HHAT: variants seen among roughly 807,000 people sequenced by gnomAD.
HHAT encodes the protein hedgehog acyltransferase.
In HHAT, 47 loss-of-function variants were observed where a neutral mutation model predicts 70.8. The observed-to-expected ratio is 0.66, with a 90% CI of 0.53 to 0.85. HHAT has a LOEUF of 0.85. HHAT is among the 40% of genes least tolerant of loss of function. The pLI, the probability that HHAT is intolerant of heterozygous loss-of-function variation, is 0.00. For missense variants in HHAT, 609 were observed against 604.8 expected, an observed-to-expected ratio of 1.01 and a Z score of -0.07; for synonymous variants, 228 against 247.6, an observed-to-expected ratio of 0.92 and a Z score of 0.74.
At chr1:210,437,287 G>T (rs2093400410) in intron 7 of HHAT, among the ~76,000 whole-genome samples, 1 of 151,884 alleles carries the variant, frequency 6.6e-6, no homozygotes, top group Non-Finnish European at 1.5e-5. Flanking sequence ...TACAAAGTGA[G>T]GTCATTAGAC....
chr1:210,591,306 A>G (rs1256842161), intron 10 of HHAT, among the ~76,000 whole-genome samples: 2 of 152,114 alleles, frequency 1.3e-5, no homozygotes, highest in Non-Finnish European at 2.9e-5. Context: ...GAACAGGTGA[A>G]GTTTGTCTTC....
chr1:210,439,680 G>C lies in HHAT; in HGVS notation c.856+21355G>C, dbSNP rs1398335340. On this transcript the variant is annotated intron_variant, in intron 7 of 11. Transcript: ENST00000261458. ...ATTTCTAGACAGTGAGGCGTGATGA[G>C]CAGGAGAGATGAAGAAAATCTGCTT... 4 of 151,902 alleles carry C rather than the reference G, an allele frequency of 2.6e-5. No homozygotes were observed. The East Asian group carries it at 7.7e-4, about 29-fold the overall frequency. The allele number at this position is 151,902 out of a possible 1,614,324, so 9.4% of individuals were successfully genotyped here.
intron 4 of HHAT, among the ~76,000 whole-genome samples, chr1:210,394,807 A>G (rs969222432): frequency 5.3e-5 from 8 of 152,160 alleles, no homozygotes; most frequent in African/African-American, 1.9e-4. Context: ...TATCCACTGA[A>G]TAGAAATCTC....
chr1:210,593,760 TA>T (rs1662294568), intron 10 of HHAT, among the ~76,000 whole-genome samples: 1 of 152,094 alleles, frequency 6.6e-6, no homozygotes, highest in Admixed American at 6.6e-5. Flanking sequence ...ATTCTGAAAG[TA>T]GGGTGTGTAA....
intron 6 of HHAT, among the ~76,000 whole-genome samples, chr1:210,412,346 G>T (rs975450646): frequency 6.6e-6 from 1 of 152,072 alleles, no homozygotes; most frequent in Admixed American, 6.5e-5. Context: ...GTATTAACTT[G>T]TTCCAGCACC....
intron 1 of HHAT, among the ~76,000 whole-genome samples, chr1:210,343,870 T>A (rs1017887351): frequency 6.6e-6 from 1 of 152,206 alleles, no homozygotes; most frequent in South Asian, 2.1e-4. Flanking sequence ...AGGGCTTAGG[T>A]AGGCTCCTGA....
rs1440474116 is a variant in HHAT at position 210,654,852 on chromosome 1, C to T, written c.1391-19436C>T. The stretch of plus-strand genomic sequence containing the variant: ...TGATGTCAGAGATGTACCAGGGGCA[C>T]AGGGAGGGTACTATCACAGTTCCTT... On this transcript the variant is annotated intron_variant, in intron 11 of 11. Transcript: ENST00000261458. Among the ~76,000 whole-genome samples the T allele has an allele frequency of 2.0e-5, 3 of 152,182 alleles. No individual in the cohort carries two copies. The East Asian group carries it at 5.8e-4, about 29-fold the overall frequency.
intron 8 of HHAT, among the ~76,000 whole-genome samples, chr1:210,507,666 T>C (rs1255162021): frequency 6.6e-6 from 1 of 151,964 alleles, no homozygotes; most frequent in Non-Finnish European, 1.5e-5. Context: ...GCCATGAGAA[T>C]ATATTTCTAG....
At chr1:210,519,527 C>CTTTTTTTT (rs35244381) in intron 9 of HHAT, among the ~76,000 whole-genome samples, 3 of 127,474 alleles carry the variant, frequency 2.4e-5, no homozygotes, top group Non-Finnish European at 4.9e-5. Flanking sequence ...ATTTTCTTTG[C>CTTTTTTTT]TTTTTTTTTT....
intron 9 of HHAT, among the ~76,000 whole-genome samples, chr1:210,540,916 C>T (rs999138542): frequency 2.6e-5 from 4 of 152,004 alleles, no homozygotes; most frequent in Admixed American, 2.6e-4. Context: ...TCTCGGCTCA[C>T]TGCAACCTCC....
chr1:210,437,470 C>T (rs557956623), intron 7 of HHAT, among the ~76,000 whole-genome samples: 7 of 151,746 alleles, frequency 4.6e-5, no homozygotes, highest in African/African-American at 1.7e-4. Flanking sequence ...CAGCCTGATA[C>T]CAGAATATGG....
intron 8 of HHAT, among the ~76,000 whole-genome samples, chr1:210,478,582 G>A (rs901456129): frequency 1.1e-4 from 17 of 152,182 alleles, no homozygotes; most frequent in African/African-American, 3.9e-4. Flanking sequence ...CAGAGGAGAG[G>A]GAAGGATGTT....
At chr1:210,349,843 G>A (rs538855519) in intron 2 of HHAT, among the ~76,000 whole-genome samples, 5 of 152,018 alleles carry the variant, frequency 3.3e-5, no homozygotes, top group Non-Finnish European at 7.4e-5. Context: ...TAGAGACGTG[G>A]TTTCACCATG....
Position 210,498,200 on chromosome 1 carries a change from G to A in HHAT, c.1008-14953G>A, listed in dbSNP as rs982861911. Among the ~76,000 whole-genome samples the A allele has an allele frequency of 2.0e-5, 3 of 152,136 alleles. No homozygotes were observed. In the East Asian group the frequency reaches 5.8e-4, roughly 29 times the overall value. On this transcript the variant is annotated intron_variant, in intron 8 of 11. Transcript: ENST00000261458. ...ATTACATTTTTTATTCTCTTGCATG[G>A]ATTTATGTCCAGAAGAACAAGGTTT...
intron 11 of HHAT, among the ~76,000 whole-genome samples, chr1:210,633,209 C>T (rs1177486558): frequency 6.6e-6 from 1 of 152,200 alleles, no homozygotes; most frequent in African/African-American, 2.4e-5. Context: ...GACTCTTCCT[C>T]ACTGTAAGAA....
chr1:210,439,256 G>A (rs1190378498), intron 7 of HHAT, among the ~76,000 whole-genome samples: 1 of 151,732 alleles, frequency 6.6e-6, no homozygotes, highest in Non-Finnish European at 1.5e-5. Context: ...GAGCTCTCTT[G>A]GGGGCATAAT....
intron 8 of HHAT, among the ~76,000 whole-genome samples, chr1:210,482,758 G>A (rs550631590): frequency 1.3e-5 from 2 of 152,132 alleles, no homozygotes; most frequent in Admixed American, 6.5e-5. Context: ...CAGAGCTTCC[G>A]TGTATACAGT....
At chr1:210,396,751 C>T (rs1449586271) in intron 4 of HHAT, among the ~76,000 whole-genome samples, 1 of 152,192 alleles carries the variant, frequency 6.6e-6, no homozygotes, top group Non-Finnish European at 1.5e-5. Flanking sequence ...TGGAACACTA[C>T]TCAGCAATGA....
At chr1:210,401,877 G>A (rs996491159) in intron 5 of HHAT, among the ~76,000 whole-genome samples, 3 of 151,670 alleles carry the variant, frequency 2.0e-5, no homozygotes, top group Non-Finnish European at 4.4e-5. Context: ...CTGGGCAGTG[G>A]CTAGCATCCC....
Sources: gnomAD v4.1 joint callset for allele counts (sites outside exome capture counted in the v4.1 genomes callset) on GRCh38, gnomAD v4.1.1 for gene constraint, MANE v1.5 for transcripts, NCBI Gene and HGNC (gene_info 2026-07-23, HGNC 2026-07-21) for gene names.